The following SPAG6 variants were observed in gnomAD, a reference collection of about 807,000 sequenced individuals.
SPAG6 encodes sperm-associated antigen 6.
A neutral mutation model predicts 58.5 loss-of-function variants in SPAG6; 49 were observed. That is an observed-to-expected ratio of 0.84 (90% CI 0.67 to 1.06). The LOEUF is 1.06. Ranked by LOEUF, SPAG6 falls within the 50% of genes least tolerant of loss-of-function variation. SPAG6 has a pLI of 0.00. For synonymous variants in SPAG6, 233 were observed against 225.6 expected, an observed-to-expected ratio of 1.03 and a Z score of -0.29; for missense variants, 560 against 611.3, an observed-to-expected ratio of 0.92 and a Z score of 0.89.
intron 4 of SPAG6, among the ~76,000 whole-genome samples, chr10:22,382,048 A>G (rs149223714): frequency 4.1e-4 from 62 of 152,344 alleles, no homozygotes; most frequent in African/African-American, 1.5e-3. Context: ...GAAATTCTTA[A>G]GAAAATGCAA....
At chr10:22,392,018 A>G (rs902519458) in intron 8 of SPAG6, 98 bp downstream of exon 8, 4 of 779,442 alleles carry the variant, frequency 5.1e-6, no homozygotes, top group East Asian at 2.7e-5. Context: ...TTGTTTTATG[A>G]GTCAAGAAAT....
intron 9 of SPAG6, 80 bp from the exon 10 acceptor site, chr10:22,410,951 C>T (rs1588566479): frequency 5.7e-6 from 8 of 1,399,624 alleles, no homozygotes; most frequent in East Asian, 4.7e-5. Context: ...TACATTTTCT[C>T]ACATACAGTA....
chr10:22,410,009 T>C (rs993482472), intron 9 of SPAG6, among the ~76,000 whole-genome samples: 1 of 152,230 alleles, frequency 6.6e-6, no homozygotes, highest in African/African-American at 2.4e-5. Flanking sequence ...GCTGATAGCC[T>C]GCCTTCCTCA....
chr10:22,410,910 G>T (rs1834714632), intron 9 of SPAG6, 121 bp from the exon 10 acceptor site: 1 of 970,266 alleles, frequency 1.0e-6, no homozygotes, highest in African/African-American at 1.7e-5. Flanking sequence ...GGCTCATTAT[G>T]TTATAGGTAT....
chr10:22,406,694 G>T (rs1401189324), intron 9 of SPAG6, among the ~76,000 whole-genome samples: 1 of 152,140 alleles, frequency 6.6e-6, no homozygotes, highest in Admixed American at 6.6e-5. Context: ...GGGTTTCCTT[G>T]TTTACTTTCT....
chr10:22,346,464 TTCTTCTTCTTCTTCTTCTTCTTCTTC>T (rs1836542027), intron 2 of SPAG6, among the ~76,000 whole-genome samples: 1 of 141,238 alleles, frequency 7.1e-6, no homozygotes, highest in Admixed American at 7.0e-5. Flanking sequence ...CTTCTTCTTC[TTCTTCTTCTTCTTCTTCTTCTTCTTC>T]TTCTTCTTTC....
Position 22,371,117 on chromosome 10 carries a change from G to A in SPAG6, c.472+2439G>A, listed in dbSNP as rs548414928. Among the ~76,000 whole-genome samples the A allele has an allele frequency of 2.0e-5, 3 of 152,246 alleles. No homozygotes were observed. The East Asian group carries it at 5.8e-4, about 29-fold the overall frequency. ...AATTTCAATATTTCACAGTAGTTAG[G>A]GGCCTGGGACCCAGAAGCTCCCAGA... On this transcript the variant is annotated intron_variant, in intron 4 of 10. Coordinates refer to ENST00000376624, the MANE Select transcript of SPAG6 (RefSeq NM_012443.4).
At chr10:22,387,791 T>TTTG in intron 5 of SPAG6, 32 bp from the exon 6 acceptor site, 1 of 1,587,946 alleles carries the variant, frequency 6.3e-7, no homozygotes, top group South Asian at 1.2e-5. Context: ...TATATAGTGT[T>TTTG]TTGTTGTTGT....
chr10:22,347,940 C>A (rs1457994354), intron 2 of SPAG6, among the ~76,000 whole-genome samples: 1 of 152,100 alleles, frequency 6.6e-6, no homozygotes, highest in African/African-American at 2.4e-5. Flanking sequence ...AATGAATATT[C>A]AATGTATTTA....
intron 4 of SPAG6, among the ~76,000 whole-genome samples, chr10:22,386,531 A>G (rs1288517161): frequency 2.0e-5 from 3 of 152,054 alleles, no homozygotes; most frequent in Admixed American, 2.0e-4. Context: ...TCTACCTCAA[A>G]TGTGTTCATG....
chr10:22,396,233 T>C (rs537971304), intron 8 of SPAG6, among the ~76,000 whole-genome samples: 1 of 152,146 alleles, frequency 6.6e-6, no homozygotes, highest in Non-Finnish European at 1.5e-5. Flanking sequence ...TTCCCACGTG[T>C]TGTGGGAGGG....
In SPAG6 at chr10:22,411,113, C is replaced by A; in HGVS notation, c.1397C>A (p.Pro466His). 6.2e-7 allele frequency: 1 copy of A among 1,613,964 alleles called. No homozygotes were observed. The highest frequency in any genetic ancestry group is 1.1e-5 in the South Asian group (1 of 91,054). Reference protein sequence around the residue: ...LKKVQEIKAEPGSLLQEYINS... With the variant: ...LKKVQEIKAEHGSLLQEYINS... ...AAAGTTCAAGAGATAAAAGCAGAAC[C>A]TGGTTCTCTCCTTCAAGAATACATC... Residue 466 changes from proline (P) to histidine (H), a missense_variant, in exon 10 of 11, where the codon CCT becomes CAT. Coordinates refer to ENST00000376624, the MANE Select transcript of SPAG6 (RefSeq NM_012443.4).
At chr10:22,404,764 A>T (rs1322465715) in intron 9 of SPAG6, among the ~76,000 whole-genome samples, 6 of 149,836 alleles carry the variant, frequency 4.0e-5, no homozygotes, top group African/African-American at 1.5e-4. Context: ...CTTCCTACCC[A>T]TGAGCATGGA....
chr10:22,383,064 A>C (rs1202268129), intron 4 of SPAG6, among the ~76,000 whole-genome samples: 1 of 152,244 alleles, frequency 6.6e-6, no homozygotes, highest in East Asian at 1.9e-4. Context: ...ATATTATAAA[A>C]ATTTTTTGAA....
chr10:22,401,333 T>G (rs1834409848), intron 9 of SPAG6, 56 bp downstream of exon 9: 1 of 927,628 alleles, frequency 1.1e-6, no homozygotes, highest in East Asian at 2.5e-5. Context: ...TTGTTGTTAT[T>G]TTTTTTTTCT....
chr10:22,360,807 G>A, intron 2 of SPAG6: 1 of 1,533,988 alleles, frequency 6.5e-7, no homozygotes, highest in South Asian at 1.2e-5. Context: ...TTTAATTTGT[G>A]AACTCTAAAT....
intron 4 of SPAG6, among the ~76,000 whole-genome samples, chr10:22,381,819 T>G (rs1161738124): frequency 6.6e-6 from 1 of 152,226 alleles, no homozygotes; most frequent in Non-Finnish European, 1.5e-5. Flanking sequence ...TGAATGTTGT[T>G]GATCTTAAAA....
At chr10:22,367,037 G>A (rs1442332772) in intron 3 of SPAG6, among the ~76,000 whole-genome samples, 1 of 150,720 alleles carries the variant, frequency 6.6e-6, no homozygotes, top group African/African-American at 2.4e-5. Context: ...TTCTTTTAAT[G>A]AGGAATGGAA....
chr10:22,401,645 C>T (rs937397039), intron 9 of SPAG6, among the ~76,000 whole-genome samples: 5 of 152,140 alleles, frequency 3.3e-5, no homozygotes, highest in Non-Finnish European at 1.5e-5. Context: ...GTTTCTGAGC[C>T]ACCGAAATAT....
Sources: allele counts gnomAD v4.1 joint callset (sites outside exome capture counted in the v4.1 genomes callset), GRCh38; gene constraint gnomAD v4.1.1; transcripts MANE v1.5; gene names NCBI Gene and HGNC (gene_info 2026-07-23, HGNC 2026-07-21).